Variants in AKAP13 observed in about 807,000 individuals in gnomAD.
AKAP13 encodes the protein A-kinase anchor protein 13.
In AKAP13, 80 loss-of-function variants were observed where a neutral mutation model predicts 264.5. The observed-to-expected ratio is 0.30, with a 90% CI of 0.25 to 0.36. AKAP13 has a LOEUF of 0.36. AKAP13 is among the 10% of genes least tolerant of loss of function. The probability of loss-of-function intolerance (pLI) is 1.00; values close to 1 mark genes in which losing one functional copy is unlikely to be tolerated. For synonymous variants in AKAP13, 1,380 were observed against 1,250.2 expected (o/e 1.10, Z -2.19); for missense variants, 3,712 against 3,435.2 (o/e 1.08, Z -2.01).
chr15:85,429,611 G>T (rs2072941939), intron 1 of AKAP13, among the ~76,000 whole-genome samples: 1 of 152,166 alleles, frequency 6.6e-6, no homozygotes, highest in African/African-American at 2.4e-5. Context: ...AGTGCCACAA[G>T]GCCATAGTTC....
chr15:85,425,620 G>A lies in AKAP13; in HGVS notation c.-12+44822G>A, dbSNP rs370104497. Among the ~76,000 whole-genome samples, 22 of 151,752 alleles carry A rather than the reference G, an allele frequency of 1.4e-4. No homozygotes were observed. The East Asian group carries it at 3.7e-3, about 25-fold the overall frequency. ...AATCCCATCTACTCGGGAGGCTGAG[G>A]CAGGAGAATCACTTGAACCCAGGAG... is the stretch of plus-strand genomic sequence containing the variant. On this transcript the variant is annotated intron_variant, in intron 1 of 36. Transcript: ENST00000394518.
At chr15:85,683,792 C>T (rs1470847091) in intron 15 of AKAP13, among the ~76,000 whole-genome samples, 2 of 152,212 alleles carry the variant, frequency 1.3e-5, no homozygotes, top group African/African-American at 2.4e-5. Context: ...TTAAGAAAAT[C>T]AACCATTGCA....
intron 17 of AKAP13, among the ~76,000 whole-genome samples, chr15:85,704,570 C>G (rs556932292): frequency 6.6e-6 from 1 of 152,174 alleles, no homozygotes; most frequent in Non-Finnish European, 1.5e-5. Flanking sequence ...GAAGGCTGGA[C>G]TGTTTGTTTT....
intron 1 of AKAP13, among the ~76,000 whole-genome samples, chr15:85,419,373 C>T (rs544861685): frequency 6.6e-6 from 1 of 152,342 alleles, no homozygotes; most frequent in East Asian, 1.9e-4. Flanking sequence ...ACCGATCATA[C>T]TGATGAACTT....
chr15:85,636,354 T>C (rs1268775435), intron 8 of AKAP13, among the ~76,000 whole-genome samples: 1 of 152,240 alleles, frequency 6.6e-6, no homozygotes, highest in African/African-American at 2.4e-5. Flanking sequence ...CAAGTTTTAC[T>C]TCTTCCTTTC....
chr15:85,429,133 C>T (rs2072920943), intron 1 of AKAP13, among the ~76,000 whole-genome samples: 1 of 152,198 alleles, frequency 6.6e-6, no homozygotes, highest in South Asian at 2.1e-4. Context: ...ATATTACTCT[C>T]TTATTTAGAA....
intron 26 of AKAP13, among the ~76,000 whole-genome samples, chr15:85,725,324 C>T (rs1046082303): frequency 2.6e-5 from 4 of 151,296 alleles, no homozygotes; most frequent in Admixed American, 2.0e-4. Flanking sequence ...GATCCACTGA[C>T]ACTGATCATA....
intron 5 of AKAP13, among the ~76,000 whole-genome samples, chr15:85,549,497 A>G (rs769141862): frequency 1.3e-5 from 2 of 152,350 alleles, no homozygotes; most frequent in African/African-American, 4.8e-5. Flanking sequence ...ACTAGAAACC[A>G]TGGTTGGTAC....
intron 2 of AKAP13, among the ~76,000 whole-genome samples, chr15:85,513,691 G>A (rs758036464): frequency 5.3e-4 from 80 of 152,292 alleles, no homozygotes; most frequent in Non-Finnish European, 9.4e-4. Context: ...TGTAATCACA[G>A]CAGGGTAGAT....
At chr15:85,543,030 C>T (rs1338104200) in intron 4 of AKAP13, among the ~76,000 whole-genome samples, 1 of 152,224 alleles carries the variant, frequency 6.6e-6, no homozygotes, top group Non-Finnish European at 1.5e-5. Flanking sequence ...AGCCCTTCCT[C>T]ATTCTGTCAC....
At chr15:85,626,262 C>G (rs1025411360) in intron 8 of AKAP13, among the ~76,000 whole-genome samples, 1 of 152,190 alleles carries the variant, frequency 6.6e-6, no homozygotes, top group African/African-American at 2.4e-5. Context: ...AAGGTACATA[C>G]CATAAATTTT....
Position 85,743,625 on chromosome 15 carries a change from G to T in AKAP13, c.8192G>T (p.Arg2731Met), listed in dbSNP as rs777299406. 2.0e-5 allele frequency: 33 copies of T among 1,614,020 alleles called. No individual in the cohort carries two copies. The highest frequency in any genetic ancestry group is 2.8e-5 in the Non-Finnish European group (33 of 1,180,028). Residue 2731 changes from arginine (R) to methionine (M), a missense_variant, in exon 36 of 37, where the codon AGG becomes ATG. Coordinates refer to ENST00000394518, the MANE Select transcript of AKAP13 (RefSeq NM_007200.5). ...LDSELSVSPK[R>M]NSISRTHKDK... ...TCAGAACTTTCAGTGTCCCCAAAAAGGAACAGCATCTCTCGGACACACAAA... is the reference window on the plus strand; with the variant it reads ...TCAGAACTTTCAGTGTCCCCAAAAATGAACAGCATCTCTCGGACACACAAA...
intron 8 of AKAP13, among the ~76,000 whole-genome samples, chr15:85,611,029 G>C (rs1253499375): frequency 2.0e-5 from 3 of 151,126 alleles, no homozygotes; most frequent in African/African-American, 7.3e-5. Context: ...TGAAATAGTA[G>C]AATATTTAAA....
chr15:85,735,913 C>T (rs1379063742), intron 32 of AKAP13, among the ~76,000 whole-genome samples, 177 bp from the exon 33 acceptor site: 5 of 152,166 alleles, frequency 3.3e-5, no homozygotes, highest in Admixed American at 1.3e-4. Context: ...TGCTCCAAAC[C>T]GACCTGACCT....
At chr15:85,570,002 G>C (rs1186986275) in intron 5 of AKAP13, among the ~76,000 whole-genome samples, 1 of 150,618 alleles carries the variant, frequency 6.6e-6, no homozygotes, top group East Asian at 2.0e-4. Flanking sequence ...GCGTGAACCT[G>C]GGAGGCGGAG....
At chr15:85,419,939 T>TG (rs2072439702) in intron 1 of AKAP13, among the ~76,000 whole-genome samples, 2 of 136,330 alleles carry the variant, frequency 1.5e-5, no homozygotes, top group Non-Finnish European at 3.2e-5. Flanking sequence ...ACTCTTGTTT[T>TG]TTTTTTTTTT....
rs1212526489 is a variant in AKAP13 at position 85,684,853 on chromosome 15, T to G, written c.5269T>G (p.Ser1757Ala). ...ATTCAGCTACATCAAGAATAAAATG[T>G]CTAGCAGCAAGAAGAGCAAAGTGAG... ...RTFSYIKNKM[S>A]SSKKSKEKEK... The change falls in exon 16 of 37, where the codon TCT (serine) becomes GCT (alanine). Residue 1757 changes from serine to alanine, a missense_variant. Ser to Ala is a moderately conservative substitution (Grantham distance 99, BLOSUM62 1). Coordinates refer to ENST00000394518, the MANE Select transcript of AKAP13 (RefSeq NM_007200.5). 1 of 1,613,874 alleles carries G rather than the reference T, an allele frequency of 6.2e-7. No individual in the cohort carries two copies. Among genetic ancestry groups the G allele is most frequent in the Non-Finnish European group, 8.5e-7 (1 of 1,179,984 alleles).
Position 85,463,819 on chromosome 15 carries a change from T to C in AKAP13, c.-11-21891T>C, listed in dbSNP as rs530914454. On this transcript the variant is annotated intron_variant, in intron 1 of 36. Transcript: ENST00000394518. Reference sequence around the variant, plus strand: ...GTTGGGTCTTTACTTTTTTTTTTTTTCCCCCTGGGTGATGTTGCTGGTGGC... The same window carrying C: ...GTTGGGTCTTTACTTTTTTTTTTTTCCCCCCTGGGTGATGTTGCTGGTGGC... Among the ~76,000 whole-genome samples, 328 of 151,826 alleles carry C rather than the reference T, an allele frequency of 2.2e-3. 6 individuals carry two copies. The East Asian group carries it at 0.048, about 22-fold the overall frequency.
chr15:85,569,451 C>CTTTTTT lies in AKAP13; in HGVS notation c.663-5667_663-5662dup, dbSNP rs71468120. Among the ~76,000 whole-genome samples the CTTTTTT allele has an allele frequency of 2.5e-4, 31 of 121,802 alleles. 1 individual carries two copies. Among genetic ancestry groups the CTTTTTT allele is most frequent in the South Asian group, 5.8e-4 (2 of 3,464 alleles). The allele number at this position is 121,802 out of a possible 152,430, so 79.9% of individuals were successfully genotyped here. A position where few individuals can be genotyped will look rare whatever the true frequency, so the allele number is the denominator to read the frequency against. On this transcript the variant is annotated intron_variant, in intron 5 of 36. Transcript: ENST00000394518. ...TCAGATCAACATATTTTTTTCTTTTCTTTTTTTTTTTTTTTTTTGAGACAG... is the reference window on the plus strand; with the variant it reads ...TCAGATCAACATATTTTTTTCTTTTCTTTTTTTTTTTTTTTTTTTTTTTTGAGACAG...
Sources: gnomAD v4.1 joint callset for allele counts (sites outside exome capture counted in the v4.1 genomes callset) on GRCh38, gnomAD v4.1.1 for gene constraint, MANE v1.5 for transcripts, NCBI Gene and HGNC (gene_info 2026-07-23, HGNC 2026-07-21) for gene names.